The following COL23A1 variants were observed in gnomAD, a reference collection of about 807,000 sequenced individuals.
The protein encoded by COL23A1 is collagen alpha-1(XXIII) chain.
In COL23A1, 97 loss-of-function variants were observed where a neutral mutation model predicts 99.3. That is an observed-to-expected ratio of 0.98 (90% CI 0.83 to 1.16). The LOEUF is 1.16. Ranked by LOEUF, COL23A1 falls within the 50% of genes most tolerant of loss-of-function variation. The probability of loss-of-function intolerance (pLI) is 0.00; values close to 1 mark genes in which losing one functional copy is unlikely to be tolerated. For synonymous variants in COL23A1, 320 were observed against 308.2 expected (o/e 1.04, Z -0.40); for missense variants, 762 against 757.4 (o/e 1.01, Z -0.07).
At chr5:178,349,254 A>C (rs976852598) in intron 2 of COL23A1, among the ~76,000 whole-genome samples, 25 of 152,182 alleles carry the variant, frequency 1.6e-4, no homozygotes, top group African/African-American at 5.8e-4. Flanking sequence ...TAACAGGGGC[A>C]CAGGCAGCTG....
At chr5:178,311,722 TGTTTTGTTTTGTTTTG>T (rs1169146828) in intron 2 of COL23A1, among the ~76,000 whole-genome samples, 5 of 131,644 alleles carry the variant, frequency 3.8e-5, no homozygotes, top group East Asian at 4.2e-4. Context: ...AACTGTTTTT[TGTTTTGTTTTGTTTTG>T]TTTTTTTTTT....
At chr5:178,276,288 G>A (rs974218224) in intron 5 of COL23A1, among the ~76,000 whole-genome samples, 16 of 151,082 alleles carry the variant, frequency 1.1e-4, no homozygotes, top group Non-Finnish European at 2.4e-4. Flanking sequence ...AACTGGCCGC[G>A]TTTAGAAGCA....
chr5:178,321,983 T>A (rs1310833967), intron 2 of COL23A1, among the ~76,000 whole-genome samples: 2 of 144,268 alleles, frequency 1.4e-5, no homozygotes, highest in African/African-American at 5.4e-5. Context: ...CCTGACTATT[T>A]TTTAATTTTT....
At chr5:178,279,400 G>A (rs1443232182) in intron 5 of COL23A1, among the ~76,000 whole-genome samples, 1 of 152,222 alleles carries the variant, frequency 6.6e-6, no homozygotes, top group African/African-American at 2.4e-5. Context: ...TGCAGCCTTG[G>A]CTCGCACACC....
chr5:178,515,276 C>A (rs1759440587), intron 2 of COL23A1, among the ~76,000 whole-genome samples: 1 of 152,248 alleles, frequency 6.6e-6, no homozygotes, highest in South Asian at 2.1e-4. Context: ...GCCTCCCTCC[C>A]TGCAGCCTCC....
At chr5:178,518,898 C>G (rs1355444540) in intron 2 of COL23A1, among the ~76,000 whole-genome samples, 2 of 148,912 alleles carry the variant, frequency 1.3e-5, no homozygotes, top group Non-Finnish European at 3.0e-5. Flanking sequence ...AGCTCCGCTG[C>G]CCGCTGAACT....
At chr5:178,413,914 T>G (rs1765172543) in intron 2 of COL23A1, among the ~76,000 whole-genome samples, 1 of 152,256 alleles carries the variant, frequency 6.6e-6, no homozygotes. Context: ...TGTTTCCATC[T>G]GCAGATAAGG....
In COL23A1 at chr5:178,241,379, G is replaced by A. The variant is rs576382779; in HGVS notation, c.1581+663C>T. Among the ~76,000 whole-genome samples the A allele has an allele frequency of 6.6e-5, 10 of 152,200 alleles. No homozygotes were observed. The East Asian group carries it at 1.9e-3, about 30-fold the overall frequency. ...AGGCAGAGGGGATGTGGGGAAGAGGGAGGTGCTGCCCCAGCCCAGAGAGAC... is the reference window on the plus strand; with the variant it reads ...AGGCAGAGGGGATGTGGGGAAGAGGAAGGTGCTGCCCCAGCCCAGAGAGAC... On this transcript the variant is annotated intron_variant, in intron 27 of 28. Transcript: ENST00000390654.
intron 2 of COL23A1, among the ~76,000 whole-genome samples, chr5:178,543,355 C>T (rs946252301): frequency 2.6e-5 from 4 of 152,156 alleles, no homozygotes; most frequent in Non-Finnish European, 5.9e-5. Flanking sequence ...GATTCTCCCA[C>T]CTTGGCCTCC....
At chr5:178,392,431 T>C (rs1190212687) in intron 2 of COL23A1, among the ~76,000 whole-genome samples, 1 of 152,204 alleles carries the variant, frequency 6.6e-6, no homozygotes, top group Non-Finnish European at 1.5e-5. Flanking sequence ...AAGACACATC[T>C]TCAAACAGAA....
intron 2 of COL23A1, among the ~76,000 whole-genome samples, chr5:178,358,531 AGTGTGTGTAT>A (rs1399403721): frequency 1.9e-4 from 25 of 135,096 alleles, no homozygotes; most frequent in Admixed American, 9.1e-4. Flanking sequence ...ATGTATGTCT[AGTGTGTGTAT>A]GTGTGTGTAT....
At position 178,590,137 on chromosome 5, in the gene COL23A1, C is replaced by A; in HGVS notation, c.61G>T (p.Gly21Cys). ...GDAGKGNAAG[G>C]GGGGRSATTA... is the part of the protein sequence containing the mutation. ...GTCGCCGAGCGCCCTCCGCCGCCGC[C>A]GCCCGCCGCATTGCCCTTCCCCGCG... is the stretch of plus-strand genomic sequence containing the variant. The change falls in exon 1 of 29, where the codon GGC (glycine) becomes TGC (cysteine). Residue 21 changes from glycine (G) to cysteine (C), a missense_variant. By Grantham distance (159) the Gly-to-Cys change is radical. Transcript: ENST00000390654. The surrounding 1 kb of genome is among the most constrained non-coding windows in gnomAD (Gnocchi z 5.7). The A allele has an allele frequency of 8.1e-7, 1 of 1,240,026 alleles. No homozygotes were observed. Among genetic ancestry groups the A allele is most frequent in the South Asian group, 3.3e-5 (1 of 30,324 alleles). The allele number at this position is 1,240,026 out of a possible 1,614,324, so 76.8% of individuals were successfully genotyped here.
At chr5:178,501,190 C>T (rs1275357317) in intron 2 of COL23A1, among the ~76,000 whole-genome samples, 4 of 152,186 alleles carry the variant, frequency 2.6e-5, no homozygotes, top group Non-Finnish European at 5.9e-5. Context: ...AGGAATGATA[C>T]AGCAGTCAGT....
chr5:178,328,017 C>T (rs183019884), intron 2 of COL23A1, among the ~76,000 whole-genome samples: 1 of 152,328 alleles, frequency 6.6e-6, no homozygotes, highest in East Asian at 1.9e-4. Context: ...CTGTGCGTGC[C>T]CAATTCCAGG....
At chr5:178,266,457 G>A (rs1755906767) in intron 8 of COL23A1, among the ~76,000 whole-genome samples, 1 of 151,964 alleles carries the variant, frequency 6.6e-6, no homozygotes, top group Non-Finnish European at 1.5e-5. Flanking sequence ...TATCCACGAG[G>A]AGGGTTGGGG....
chr5:178,339,095 C>T (rs1484687423), intron 2 of COL23A1, among the ~76,000 whole-genome samples: 2 of 152,142 alleles, frequency 1.3e-5, no homozygotes, highest in African/African-American at 2.4e-5. Flanking sequence ...GAGCTCACTA[C>T]CTCAAAGAGA....
In COL23A1 at chr5:178,517,557, G is replaced by GTTTTTTTT. The variant is rs35787274; in HGVS notation, c.361+43117_361+43124dup. Among the ~76,000 whole-genome samples the GTTTTTTTT allele has an allele frequency of 7.1e-5, 6 of 84,966 alleles. 1 individual carries two copies. Among genetic ancestry groups the GTTTTTTTT allele is most frequent in the African/African-American group, 1.2e-4 (2 of 16,562 alleles). 55.7% of individuals were successfully genotyped at this position (84,966 alleles called of 152,430 possible). ...AGGGCTCAGACTCTCGGTGACAGCA[G>GTTTTTTTT]TTTTTTTTTTGTTTTTTTTTTTGAG... On this transcript the variant is annotated intron_variant, in intron 2 of 28. Transcript: ENST00000390654.
chr5:178,567,797 A>C (rs529055231), intron 1 of COL23A1, among the ~76,000 whole-genome samples: 1 of 152,236 alleles, frequency 6.6e-6, no homozygotes, highest in East Asian at 1.9e-4. Flanking sequence ...AACGCAAAGA[A>C]TAAATTAAAT....
chr5:178,462,046 G>A (rs1231537531), intron 2 of COL23A1, among the ~76,000 whole-genome samples: 2 of 152,156 alleles, frequency 1.3e-5, no homozygotes, highest in Non-Finnish European at 2.9e-5. Flanking sequence ...TGTGTTCTTG[G>A]CACCCAGCAC....
Sources: allele counts gnomAD v4.1 joint callset (sites outside exome capture counted in the v4.1 genomes callset), GRCh38; gene constraint gnomAD v4.1.1; non-coding constraint Gnocchi (gnomAD v3.1); transcripts MANE v1.5; gene names NCBI Gene and HGNC (gene_info 2026-07-23, HGNC 2026-07-21).